EXD2: variants seen among roughly 807,000 people sequenced by gnomAD.
The protein encoded by EXD2 is exonuclease 3'-5' domain-containing protein 2.
A neutral mutation model predicts 62.5 loss-of-function variants in EXD2; 40 were observed. The observed-to-expected ratio is 0.64, with a 90% CI of 0.50 to 0.83. The LOEUF (loss-of-function observed/expected upper bound fraction) is 0.83. EXD2 is among the 40% of genes least tolerant of loss of function. EXD2 has a pLI of 0.00. For synonymous variants in EXD2, 239 were observed against 291.9 expected (o/e 0.82, Z 1.85); for missense variants, 671 against 761.8 (o/e 0.88, Z 1.40).
Position 69,237,557 on chromosome 14 carries a change from C to T in EXD2, c.1293-18C>T, listed in dbSNP as rs370173181. On this transcript the variant is annotated intron_variant, in intron 8 of 9. Coordinates refer to ENST00000685843, the MANE Select transcript of EXD2 (RefSeq NM_001193360.2). ...TCATACACTTATGAGCGCTGCTTTC[C>T]GGCTGGGCTTGTTCCAGGAAGAACG... is the stretch of plus-strand genomic sequence containing the variant. 3.3e-5 allele frequency: 53 copies of T among 1,611,876 alleles called. 1 individual carries two copies. The highest frequency in any genetic ancestry group is 2.9e-4 in the African/African-American group (22 of 74,884).
At chr14:69,208,410 C>T (rs528046350) in intron 2 of EXD2, among the ~76,000 whole-genome samples, 1 of 152,040 alleles carries the variant, frequency 6.6e-6, no homozygotes, top group African/African-American at 2.4e-5. Flanking sequence ...CGGGGTTTCA[C>T]TGTGTTAGCC....
At chr14:69,211,472 A>G (rs998936144) in intron 3 of EXD2, among the ~76,000 whole-genome samples, 1 of 149,020 alleles carries the variant, frequency 6.7e-6, no homozygotes, top group Admixed American at 6.8e-5. Flanking sequence ...ACAGGTTGAT[A>G]GAAGAGGCTA....
intron 3 of EXD2, chr14:69,228,055 A>T (rs2043422613): frequency 1.3e-5 from 2 of 152,096 alleles, no homozygotes. Context: ...CTCTTTTTAA[A>T]AATTGGATCT....
chr14:69,239,765 C>G (rs372021993), intron 9 of EXD2, among the ~76,000 whole-genome samples: 1 of 152,154 alleles, frequency 6.6e-6, no homozygotes. Context: ...CCACACACGG[C>G]TAATTTTTGT....
intron 1 of EXD2, among the ~76,000 whole-genome samples, chr14:69,192,846 G>C (rs2042078858): frequency 6.6e-6 from 1 of 152,088 alleles, no homozygotes. Context: ...AAATTCCATG[G>C]TTATGTAAGA....
At chr14:69,226,756 G>A (rs1710669424) in intron 3 of EXD2, among the ~76,000 whole-genome samples, 1 of 148,668 alleles carries the variant, frequency 6.7e-6, no homozygotes. Flanking sequence ...AAAAAGTTGA[G>A]GGCCAGAGCC....
At chr14:69,195,128 A>G (rs1308718698) in intron 1 of EXD2, among the ~76,000 whole-genome samples, 2 of 152,046 alleles carry the variant, frequency 1.3e-5, no homozygotes, top group Non-Finnish European at 2.9e-5. Context: ...GAGGCAGGAA[A>G]ATCACTTGAA....
rs141721087 is a variant in EXD2 at position 69,221,135 on chromosome 14, C to T, written c.334-7681C>T. On this transcript the variant is annotated intron_variant, in intron 3 of 9. Coordinates refer to ENST00000685843, the MANE Select transcript of EXD2 (RefSeq NM_001193360.2). ...CCTTCTGCCTCAGCCTCCCAAAGTG[C>T]TGGGATTACAGGTGTGAGCCACTGT... Among the ~76,000 whole-genome samples, 12 of 152,270 alleles carry T rather than the reference C, an allele frequency of 7.9e-5. No individual in the cohort carries two copies. The East Asian group carries it at 2.3e-3, about 29-fold the overall frequency.
intron 3 of EXD2, among the ~76,000 whole-genome samples, chr14:69,214,475 G>C (rs1420911801): frequency 6.6e-6 from 1 of 151,940 alleles, no homozygotes; most frequent in African/African-American, 2.4e-5. Context: ...TGTCTAATCT[G>C]TTTAACCTGC....
At chr14:69,193,074 T>TG (rs2042088375) in intron 1 of EXD2, among the ~76,000 whole-genome samples, 1 of 151,792 alleles carries the variant, frequency 6.6e-6, no homozygotes, top group East Asian at 1.9e-4. Context: ...TTTTTTTTTT[T>TG]TTGAGACAGA....
chr14:69,217,485 T>A (rs1036986838), intron 3 of EXD2, among the ~76,000 whole-genome samples: 2 of 152,212 alleles, frequency 1.3e-5, no homozygotes, highest in Non-Finnish European at 2.9e-5. Context: ...GATTTCATTA[T>A]TTTTTATGGA....
rs869194045 is a variant in EXD2 at position 69,220,253 on chromosome 14, G to GTTTT, written c.334-8531_334-8528dup. ...CTCTCAGCAAGTGTTTTGTCTCTCT[G>GTTTT]TTTTTTTTTTTTTTTTTTTTTTTTT... is the stretch of plus-strand genomic sequence containing the variant. On this transcript the variant is annotated intron_variant, in intron 3 of 9. Transcript: ENST00000685843. Among the ~76,000 whole-genome samples, 193 of 35,112 alleles carry GTTTT rather than the reference G, an allele frequency of 5.5e-3. 46 individuals carry two copies. The highest frequency in any genetic ancestry group is 6.2e-3 in the Non-Finnish European group (126 of 20,218). 23.0% of individuals were successfully genotyped at this position (35,112 alleles called of 152,430 possible).
chr14:69,209,565 G>A lies in EXD2; in HGVS notation c.95G>A (p.Arg32Gln), dbSNP rs1013743084. The change falls in exon 3 of 10, where the codon CGA becomes CAA. Residue 32 changes from arginine (R) to glutamine (Q), a missense_variant. By Grantham distance (43) the Arg-to-Gln change is conservative. Transcript: ENST00000685843. ...CTCTGGAAAGGCATCCAGCGCCGCC[G>A]AAGGAGTAAAACGAGTCCTGTGACC... ...FVLWKGIQRR[R>Q]RSKTSPVTQQ... 8.4e-6 allele frequency: 13 copies of A among 1,550,428 alleles called. No homozygotes were observed. Among genetic ancestry groups the A allele is most frequent in the African/African-American group, 4.1e-5 (3 of 73,010 alleles).
At chr14:69,239,581 A>G (rs2043914567) in intron 9 of EXD2, among the ~76,000 whole-genome samples, 1 of 152,224 alleles carries the variant, frequency 6.6e-6, no homozygotes, top group Non-Finnish European at 1.5e-5. Flanking sequence ...GTTTCTCATG[A>G]CAACCCGACA....
intron 9 of EXD2, among the ~76,000 whole-genome samples, chr14:69,240,649 C>T (rs1474775115): frequency 1.3e-5 from 2 of 152,126 alleles, no homozygotes; most frequent in African/African-American, 4.8e-5. Context: ...AAGTGGCCTT[C>T]CTGTCAGTAG....
At chr14:69,225,084 A>G (rs2043313291) in intron 3 of EXD2, among the ~76,000 whole-genome samples, 1 of 152,138 alleles carries the variant, frequency 6.6e-6, no homozygotes, top group Admixed American at 6.5e-5. Flanking sequence ...CTCTCTTTTC[A>G]TCCTACTCTT....
chr14:69,222,740 G>A (rs1305547608), intron 3 of EXD2, among the ~76,000 whole-genome samples: 2 of 151,992 alleles, frequency 1.3e-5, no homozygotes, highest in African/African-American at 4.8e-5. Context: ...AAATTCGTAA[G>A]GAAATGTATT....
chr14:69,211,724 G>T (rs919285167), intron 3 of EXD2, among the ~76,000 whole-genome samples: 2 of 152,078 alleles, frequency 1.3e-5, no homozygotes, highest in African/African-American at 4.8e-5. Context: ...AGAAAATAGG[G>T]TTTAAGTGGT....
chr14:69,222,749 T>A (rs1390573794), intron 3 of EXD2, among the ~76,000 whole-genome samples: 1 of 152,194 alleles, frequency 6.6e-6, no homozygotes, highest in African/African-American at 2.4e-5. Context: ...AGGAAATGTA[T>A]TACCTTTCAT....
Sources: gnomAD v4.1 joint callset for allele counts (sites outside exome capture counted in the v4.1 genomes callset) on GRCh38, gnomAD v4.1.1 for gene constraint, MANE v1.5 for transcripts, NCBI Gene and HGNC (gene_info 2026-07-23, HGNC 2026-07-21) for gene names.